TRHDE: variants seen among roughly 807,000 people sequenced by gnomAD.
TRHDE encodes the protein thyrotropin-releasing hormone-degrading ectoenzyme.
TRHDE carries 72 observed loss-of-function variants against 125.7 expected under a neutral mutation model. The ratio of observed to expected loss-of-function variants is 0.57; its 90% CI spans 0.47 to 0.70. TRHDE has a LOEUF of 0.70. Ranked by LOEUF, TRHDE falls within the 30% of genes least tolerant of loss-of-function variation. TRHDE has a pLI of 0.00. For missense variants in TRHDE, 1,110 were observed against 1,327.1 expected, an observed-to-expected ratio of 0.84 and a Z score of 2.54; for synonymous variants, 509 against 509.1, an observed-to-expected ratio of 1.00 and a Z score of 0.00.
In TRHDE at chr12:72,653,282, TA is replaced by T. The variant is rs1395135082; in HGVS notation, c.2984+129del. ...TAGATATTAAAATATTCAACCAAGA[TA>T]AATGTTGCCACTCCCGTGGAACTCC... On this transcript the variant is annotated intron_variant, in intron 17 of 18. Transcript: ENST00000261180. 4 of 645,758 alleles carry T rather than the reference TA, an allele frequency of 6.2e-6. No homozygotes were observed. The Admixed American group carries it at 1.6e-4, about 26-fold the overall frequency. The allele number at this position is 645,758 out of a possible 1,614,324, so 40.0% of individuals were successfully genotyped here. A position where few individuals can be genotyped will look rare whatever the true frequency, so the allele number is the denominator to read the frequency against.
intron 2 of TRHDE, among the ~76,000 whole-genome samples, chr12:72,129,479 T>C (rs1437195119): frequency 6.6e-6 from 1 of 152,226 alleles, no homozygotes; most frequent in Non-Finnish European, 1.5e-5. Context: ...AGCCTTCTCT[T>C]ATGTGTCTAT....
At chr12:72,250,337 G>T (rs1045636229) in intron 2 of TRHDE, among the ~76,000 whole-genome samples, 3 of 152,162 alleles carry the variant, frequency 2.0e-5, no homozygotes, top group African/African-American at 7.2e-5. Context: ...GTCATTAAAG[G>T]CTGGCAGTGT....
chr12:72,566,477 A>G (rs930861481), intron 9 of TRHDE, among the ~76,000 whole-genome samples: 9 of 151,902 alleles, frequency 5.9e-5, no homozygotes, highest in Non-Finnish European at 1.2e-4. Context: ...TGCTGTATGT[A>G]TGTGGTATTG....
intron 2 of TRHDE, among the ~76,000 whole-genome samples, chr12:72,219,161 AT>A (rs200360805): frequency 0.032 from 4,729 of 145,902 alleles, 150 homozygotes; most frequent in African/African-American, 0.085. Context: ...TGTTTTGTGT[AT>A]TTTTTTTTTT....
In TRHDE at chr12:72,517,344, G is replaced by A. The variant is rs1048492626; in HGVS notation, c.1722+17709G>A. On this transcript the variant is annotated intron_variant, in intron 6 of 18. Transcript: ENST00000261180. ...AGCTCCTGTTATTGGTCTATTCAGA[G>A]ATTCAACTTCTTCCTGGTTTAGTCT... 2.4e-4 allele frequency among the ~76,000 whole-genome samples: 36 copies of A among 152,140 alleles called. No individual in the cohort carries two copies. The South Asian group carries it at 3.1e-3, about 13-fold the overall frequency.
At chr12:72,534,572 G>A (rs1489055246) in intron 6 of TRHDE, among the ~76,000 whole-genome samples, 1 of 151,464 alleles carries the variant, frequency 6.6e-6, no homozygotes, top group African/African-American at 2.4e-5. Flanking sequence ...CAGGGAGCTA[G>A]CATAAAAAGA....
At chr12:72,540,078 CATAGTATGTGCTTA>C (rs552260209) in intron 6 of TRHDE, among the ~76,000 whole-genome samples, 91 of 151,886 alleles carry the variant, frequency 6.0e-4, no homozygotes, top group African/African-American at 2.1e-3. Flanking sequence ...ATAATCCATA[CATAGTATGTGCTTA>C]GTATATGTTG....
chr12:72,272,556 G>A lies in TRHDE; in HGVS notation c.-88G>A. ...AGTCGCGCGCCCTCGGCCCGCGTGA[G>A]CTCTCCGATGCCTGCTCTGGCTGTG... On this transcript the variant is annotated 5_prime_UTR_variant, in exon 1 of 19. Coordinates refer to ENST00000261180, the MANE Select transcript of TRHDE (RefSeq NM_013381.3). This position sits in a 1 kb window ranked among gnomAD's most constrained non-coding sequence, Gnocchi z 6.7. 1.7e-6 allele frequency: 1 copy of A among 588,370 alleles called. No individual in the cohort carries two copies. Among genetic ancestry groups the A allele is most frequent in the East Asian group, 2.9e-5 (1 of 34,320 alleles). The allele number at this position is 588,370 out of a possible 1,614,324, so 36.4% of individuals were successfully genotyped here.
chr12:72,266,188 C>T (rs1461812822), intron 2 of TRHDE, among the ~76,000 whole-genome samples: 1 of 151,880 alleles, frequency 6.6e-6, no homozygotes, highest in Non-Finnish European at 1.5e-5. Flanking sequence ...CTAGAAGATA[C>T]ATGTGGATGA....
At chr12:72,590,748 A>T (rs1871638211) in intron 12 of TRHDE, among the ~76,000 whole-genome samples, 1 of 152,162 alleles carries the variant, frequency 6.6e-6, no homozygotes, top group African/African-American at 2.4e-5. Flanking sequence ...CTTATAATTT[A>T]AAAAATTTTT....
At chr12:72,201,410 A>T (rs987074586) in intron 2 of TRHDE, among the ~76,000 whole-genome samples, 6 of 152,142 alleles carry the variant, frequency 3.9e-5, no homozygotes, top group Non-Finnish European at 8.8e-5. Flanking sequence ...TAAGATTTTG[A>T]AGTTTGGTTA....
intron 7 of TRHDE, among the ~76,000 whole-genome samples, chr12:72,547,832 A>G (rs1411604640): frequency 6.6e-6 from 1 of 151,890 alleles, no homozygotes; most frequent in Non-Finnish European, 1.5e-5. Context: ...GAGAAATGCA[A>G]TAGGCAGGTT....
chr12:72,130,299 A>G (rs181538133), intron 2 of TRHDE, among the ~76,000 whole-genome samples: 1 of 152,178 alleles, frequency 6.6e-6, no homozygotes, highest in African/African-American at 2.4e-5. Context: ...AAAAAGAAAA[A>G]CAAAAGTCTT....
intron 2 of TRHDE, among the ~76,000 whole-genome samples, chr12:72,235,897 A>G (rs1189015916): frequency 1.3e-5 from 2 of 152,186 alleles, no homozygotes; most frequent in Non-Finnish European, 2.9e-5. Context: ...ATATTATTGC[A>G]CTGGAGTGAG....
At chr12:72,380,766 GCTTC>G (rs3085951) in intron 3 of TRHDE, among the ~76,000 whole-genome samples, 6,298 of 70,678 alleles carry the variant, frequency 0.089, 304 homozygotes, top group Non-Finnish European at 0.1. Context: ...TTCCTTCCTT[GCTTC>G]CTTCCTTCCT....
chr12:72,511,664 C>G (rs1158112224), intron 6 of TRHDE, among the ~76,000 whole-genome samples: 2 of 152,076 alleles, frequency 1.3e-5, no homozygotes, highest in Admixed American at 1.3e-4. Context: ...AAATTATTAA[C>G]TTGTGCATTT....
chr12:72,440,630 T>G (rs973798316), intron 3 of TRHDE, among the ~76,000 whole-genome samples: 7 of 151,954 alleles, frequency 4.6e-5, no homozygotes, highest in African/African-American at 1.7e-4. Flanking sequence ...CAGCATACTT[T>G]GACAAAAACA....
chr12:72,184,924 C>T (rs536331305), intron 2 of TRHDE, among the ~76,000 whole-genome samples: 1 of 152,326 alleles, frequency 6.6e-6, no homozygotes, highest in South Asian at 2.1e-4. Context: ...CCTGCCTGGG[C>T]TCCCACTTTG....
intron 6 of TRHDE, among the ~76,000 whole-genome samples, chr12:72,530,711 T>C (rs981088145): frequency 2.0e-5 from 3 of 151,912 alleles, no homozygotes; most frequent in Non-Finnish European, 4.4e-5. Context: ...GCTTCTTCAT[T>C]TGATTCCTTT....
Sources: allele counts gnomAD v4.1 joint callset (sites outside exome capture counted in the v4.1 genomes callset), GRCh38; gene constraint gnomAD v4.1.1; non-coding constraint Gnocchi (gnomAD v3.1); transcripts MANE v1.5; gene names NCBI Gene and HGNC (gene_info 2026-07-23, HGNC 2026-07-21).